The following SLC9C1 variants were observed in gnomAD, a reference collection of about 807,000 sequenced individuals.
The protein encoded by SLC9C1 is sodium/hydrogen exchanger 10.
Under a neutral mutation model 140.9 loss-of-function variants are expected in SLC9C1, and 97 were observed. The observed-to-expected ratio is 0.69, with a 90% CI of 0.58 to 0.82. The LOEUF (loss-of-function observed/expected upper bound fraction) is 0.82. Ranked by LOEUF, SLC9C1 falls within the 40% of genes least tolerant of loss-of-function variation. The pLI is 0.00. For synonymous variants in SLC9C1, 440 were observed against 442.6 expected, an observed-to-expected ratio of 0.99 and a Z score of 0.07; for missense variants, 1,340 against 1,389.3, an observed-to-expected ratio of 0.96 and a Z score of 0.56.
In SLC9C1 at chr3:112,265,317, C is replaced by A. The variant is rs534634732; in HGVS notation, c.878+921G>T. Among the ~76,000 whole-genome samples, 20 of 152,172 alleles carry A rather than the reference C, an allele frequency of 1.3e-4. 1 individual carries two copies. The East Asian group carries it at 2.9e-3, about 22-fold the overall frequency. On this transcript the variant is annotated intron_variant, in intron 8 of 28. Coordinates refer to ENST00000305815, the MANE Select transcript of SLC9C1 (RefSeq NM_183061.3). The stretch of plus-strand genomic sequence containing the variant: ...AGAAGGGGAGGAAAACCTTCAGAAT[C>A]ATTCCCCATATATATAACTAATACT...
intron 10 of SLC9C1, among the ~76,000 whole-genome samples, chr3:112,257,067 T>A (rs929241069): frequency 6.6e-6 from 1 of 152,056 alleles, no homozygotes; most frequent in Non-Finnish European, 1.5e-5. Flanking sequence ...CACAAATGAA[T>A]GGAAAATAAT....
chr3:112,264,457 C>A, intron 8 of SLC9C1, 114 bp from the exon 9 acceptor site: 1 of 486,298 alleles, frequency 2.1e-6, no homozygotes. Context: ...ATGAATAAAA[C>A]ATTTACAAAC....
intron 23 of SLC9C1, among the ~76,000 whole-genome samples, chr3:112,171,396 C>T (rs1046547680): frequency 7.2e-5 from 11 of 152,180 alleles, no homozygotes; most frequent in African/African-American, 2.4e-4. Context: ...GTTTATTGGC[C>T]ATTTGTATAT....
chr3:112,176,597 G>A (rs1184745419), intron 23 of SLC9C1, among the ~76,000 whole-genome samples: 2 of 152,036 alleles, frequency 1.3e-5, no homozygotes, highest in Non-Finnish European at 2.9e-5. Context: ...TGCTTGTTTT[G>A]TAATTCATGG....
At chr3:112,238,264 G>A (rs1355806807) in intron 12 of SLC9C1, among the ~76,000 whole-genome samples, 2 of 152,162 alleles carry the variant, frequency 1.3e-5, no homozygotes, top group East Asian at 1.9e-4. Context: ...ACTGAAGCTT[G>A]TGCATTCGTC....
At chr3:112,243,131 A>G (rs1053672396) in intron 11 of SLC9C1, among the ~76,000 whole-genome samples, 4 of 152,242 alleles carry the variant, frequency 2.6e-5, no homozygotes, top group Non-Finnish European at 4.4e-5. Flanking sequence ...TCAAATAACT[A>G]TAAACAGAAC....
chr3:112,279,855 G>C (rs1351946367), intron 3 of SLC9C1, among the ~76,000 whole-genome samples: 5 of 152,180 alleles, frequency 3.3e-5, no homozygotes, highest in African/African-American at 1.2e-4. Flanking sequence ...TGGTCCAGGA[G>C]TCCCATCTCT....
chr3:112,144,108 T>G lies in SLC9C1; in HGVS notation c.3525-2827A>C, dbSNP rs192392094. On this transcript the variant is annotated intron_variant, in intron 28 of 28. Transcript: ENST00000305815. ...CTCTATTCTGTTCCATTGGTCTATG[T>G]GTCTGTTTTTGTACCAGTACCATGC... Among the ~76,000 whole-genome samples, 56 of 151,956 alleles carry G rather than the reference T, an allele frequency of 3.7e-4. No individual in the cohort carries two copies. The East Asian group carries it at 9.7e-3, about 26-fold the overall frequency.
intron 28 of SLC9C1, among the ~76,000 whole-genome samples, chr3:112,146,859 T>G (rs1184490773): frequency 6.6e-6 from 1 of 152,188 alleles, no homozygotes; most frequent in Non-Finnish European, 1.5e-5. Flanking sequence ...TCTTTGTTAC[T>G]TTTCTGTCTC....
intron 6 of SLC9C1, among the ~76,000 whole-genome samples, chr3:112,273,167 A>T (rs4449289): frequency 0.29 from 44,742 of 151,678 alleles, 6,778 homozygotes; most frequent in East Asian, 0.36. Flanking sequence ...GTTTTTAAAA[A>T]GCTTCTGAAT....
At chr3:112,198,370 C>T (rs1036269297) in intron 20 of SLC9C1, among the ~76,000 whole-genome samples, 7 of 151,904 alleles carry the variant, frequency 4.6e-5, no homozygotes, top group Admixed American at 1.3e-4. Flanking sequence ...CAAATAATAG[C>T]ACTTTTCTCC....
Position 112,239,849 on chromosome 3 carries a change from G to C in SLC9C1, c.1437C>G (p.Asn479Lys), listed in dbSNP as rs1344605363. The C allele has an allele frequency of 1.2e-6, 2 of 1,610,920 alleles. No homozygotes were observed. Among genetic ancestry groups the C allele is most frequent in the Middle Eastern group, 1.7e-4 (1 of 6,018 alleles). Reference protein sequence around the residue: ...NMIEKAITLENPYMLNEEETT... With the variant: ...NMIEKAITLEKPYMLNEEETT... ...GATATTACTTGCTTACCATGTATGG[G>C]TTTTCAAGTGTAATTGCTTTCTCAA... Residue 479 changes from asparagine to lysine, a missense_variant, in exon 12 of 29, where the codon AAC becomes AAG. Asn to Lys is a moderately conservative substitution (Grantham distance 94, BLOSUM62 0). Transcript: ENST00000305815.
At chr3:112,284,985 C>CTTTTTTTTTTT (rs61428176) in intron 2 of SLC9C1, among the ~76,000 whole-genome samples, 12 of 103,858 alleles carry the variant, frequency 1.2e-4, no homozygotes, top group East Asian at 3.0e-4. Context: ...TACAATTTTT[C>CTTTTTTTTTTT]TTTTTTTTTT....
intron 27 of SLC9C1, among the ~76,000 whole-genome samples, chr3:112,153,340 C>T (rs2075036740): frequency 1.6e-5 from 2 of 129,022 alleles, no homozygotes; most frequent in Admixed American, 1.7e-4. Flanking sequence ...TCCAAATATG[C>T]TATTAAGGCA....
At chr3:112,165,638 C>G (rs1196888766) in intron 26 of SLC9C1, among the ~76,000 whole-genome samples, 2 of 152,176 alleles carry the variant, frequency 1.3e-5, no homozygotes, top group Non-Finnish European at 2.9e-5. Flanking sequence ...GAAGTTTTGT[C>G]TCAGAGGAGT....
At chr3:112,213,458 A>G (rs956533358) in intron 15 of SLC9C1, among the ~76,000 whole-genome samples, 4 of 152,154 alleles carry the variant, frequency 2.6e-5, no homozygotes, top group African/African-American at 9.7e-5. Context: ...TATTCAGGGG[A>G]CCCATCTCAT....
intron 2 of SLC9C1, 73 bp downstream of exon 2, chr3:112,286,631 C>A: frequency 7.7e-7 from 1 of 1,296,926 alleles, no homozygotes; most frequent in Non-Finnish European, 1.1e-6. Flanking sequence ...TTCTACTTTC[C>A]TTAATTCTAT....
chr3:112,179,131 T>C (rs1244357310), intron 23 of SLC9C1, among the ~76,000 whole-genome samples: 2 of 152,166 alleles, frequency 1.3e-5, no homozygotes, highest in Non-Finnish European at 2.9e-5. Flanking sequence ...CTTGGTACTG[T>C]GAGGATTTTG....
In SLC9C1 at chr3:112,270,077, G is replaced by A. The variant is rs769929472; in HGVS notation, c.614C>T (p.Ala205Val). The A allele has an allele frequency of 1.3e-6, 2 of 1,542,014 alleles. No homozygotes were observed. Among genetic ancestry groups the A allele is most frequent in the Non-Finnish European group, 1.7e-6 (2 of 1,147,174 alleles). Residue 205 changes from alanine (A) to valine (V), a missense_variant and splice_region_variant, in exon 7 of 29, where the codon GCT becomes GTT. Coordinates refer to ENST00000305815, the MANE Select transcript of SLC9C1 (RefSeq NM_183061.3). ...ACAAATTCCACCCACGATCTCTTCA[G>A]CTACAAGAAAGGGGCGTAAATAAGA... is the stretch of plus-strand genomic sequence containing the variant. Reference protein sequence around the residue: ...RLQSKRNHTLAEEIVGGICSY... With the variant: ...RLQSKRNHTLVEEIVGGICSY...
Sources: allele counts gnomAD v4.1 joint callset (sites outside exome capture counted in the v4.1 genomes callset), GRCh38; gene constraint gnomAD v4.1.1; transcripts MANE v1.5; gene names NCBI Gene and HGNC (gene_info 2026-07-23, HGNC 2026-07-21).